SUN5: variants seen among roughly 807,000 people sequenced by gnomAD.
SUN5 encodes SUN domain-containing protein 5.
In SUN5, 44 loss-of-function variants were observed where a neutral mutation model predicts 53.7. That is an observed-to-expected ratio of 0.82 (90% CI 0.64 to 1.05). SUN5 has a LOEUF of 1.05. Ranked by LOEUF, SUN5 falls within the 50% of genes least tolerant of loss-of-function variation. The pLI is 0.00. For synonymous variants in SUN5, 166 were observed against 179.8 expected, an observed-to-expected ratio of 0.92 and a Z score of 0.62; for missense variants, 433 against 483.8, an observed-to-expected ratio of 0.90 and a Z score of 0.98.
chr20:32,990,540 G>T (rs1421874493), intron 8 of SUN5, among the ~76,000 whole-genome samples: 1 of 152,158 alleles, frequency 6.6e-6, no homozygotes, highest in Non-Finnish European at 1.5e-5. Context: ...GTGACATCTA[G>T]GGCTAAGTCC....
chr20:32,984,993 C>T, intron 12 of SUN5, 106 bp downstream of exon 12: 3 of 1,212,432 alleles, frequency 2.5e-6, no homozygotes, highest in Non-Finnish European at 3.6e-6. Flanking sequence ...TTAGTCATGA[C>T]TGGGCACCTC....
Position 32,995,634 on chromosome 20 carries a change from T to C in SUN5, c.519A>G (p.Glu173=), listed in dbSNP as rs1340498411. 8 of 1,614,018 alleles carry C rather than the reference T, an allele frequency of 5.0e-6. No individual in the cohort carries two copies. The highest frequency in any genetic ancestry group is 6.8e-6 in the Non-Finnish European group (8 of 1,179,982). The change falls in exon 8 of 13, where the codon GAA becomes GAG. Residue 173 remains glutamate, a synonymous_variant. Transcript: ENST00000356173. ...NQLIAKLQEM[E]AMSDEQKMAQ... is the part of the protein sequence containing the mutation. Reference sequence around the variant, plus strand: ...AGCGTCTCACCTCATCGGACATGGCTTCCATCTCCTGGAGCTTGGCAATGA... The same window carrying C: ...AGCGTCTCACCTCATCGGACATGGCCTCCATCTCCTGGAGCTTGGCAATGA...
chr20:32,990,192 A>C (rs1989675592), intron 8 of SUN5, among the ~76,000 whole-genome samples: 2 of 152,222 alleles, frequency 1.3e-5, no homozygotes, highest in Admixed American at 1.3e-4. Flanking sequence ...CTTGTATTAA[A>C]GATGAGAATA....
In SUN5 at chr20:33,001,433, T is replaced by G. The variant is rs192156394; in HGVS notation, c.212-155A>C. On this transcript the variant is annotated intron_variant, in intron 3 of 12. Coordinates refer to ENST00000356173, the MANE Select transcript of SUN5 (RefSeq NM_080675.4). ...CTGGGACAGAACCAGGCTCTGCTTATGGGTACGCACTAGCCTGGAGTGAGT... is the reference window on the plus strand; with the variant it reads ...CTGGGACAGAACCAGGCTCTGCTTAGGGGTACGCACTAGCCTGGAGTGAGT... Among the ~76,000 whole-genome samples, 37 of 152,254 alleles carry G rather than the reference T, an allele frequency of 2.4e-4. No homozygotes were observed. In the East Asian group the frequency reaches 6.6e-3, roughly 27 times the overall value.
rs1220021371 is a variant in SUN5 at position 32,985,121 on chromosome 20, A to G, written c.962T>C (p.Ile321Thr). 6.2e-7 allele frequency: 1 copy of G among 1,613,960 alleles called. No homozygotes were observed. The highest frequency in any genetic ancestry group is 8.5e-7 in the Non-Finnish European group (1 of 1,179,984). The stretch of plus-strand genomic sequence containing the variant: ...TACCTGGAGTGGGAACATCTGGATG[A>G]TGTTTTCTGGCTGAAACTGAAATGC... ...LGAFQFQPEN[I>T]IQMFPLQNQP... The change falls in exon 12 of 13, where the codon ATC becomes ACC. Residue 321 changes from isoleucine to threonine, a missense_variant. Ile to Thr is a moderately conservative substitution (Grantham distance 89). Transcript: ENST00000356173.
At chr20:33,001,567 C>CTTTCTTTCT (rs1362823574) in intron 3 of SUN5, among the ~76,000 whole-genome samples, 1 of 31,174 alleles carries the variant, frequency 3.2e-5, no homozygotes, top group African/African-American at 2.1e-4. Flanking sequence ...TCTTTCTTTT[C>CTTTCTTTCT]TTCCTTCCTT....
chr20:32,995,546 A>C, intron 8 of SUN5, 73 bp downstream of exon 8: 12 of 1,307,948 alleles, frequency 9.2e-6, no homozygotes, highest in Non-Finnish European at 1.2e-5. Flanking sequence ...AAGAAAGAAC[A>C]CTTGAGGTAT....
intron 3 of SUN5, 28 bp downstream of exon 3, chr20:33,002,559 C>T (rs767724123): frequency 1.8e-5 from 29 of 1,612,152 alleles, no homozygotes; most frequent in Non-Finnish European, 2.2e-5. Flanking sequence ...ATATTGATGA[C>T]GAAGGTGATT....
At chr20:32,997,805 C>A in intron 5 of SUN5, 118 bp from the exon 6 acceptor site, 1 of 1,003,728 alleles carries the variant, frequency 1.0e-6, no homozygotes. Context: ...CATTGTGCAA[C>A]ACTGGGGGAA....
chr20:33,004,210 C>A (rs1355588715), intron 1 of SUN5, 54 bp downstream of exon 1: 1 of 1,496,860 alleles, frequency 6.7e-7, no homozygotes, highest in South Asian at 1.3e-5. Flanking sequence ...GGTGGAGGGG[C>A]AGCATTTTGT....
At chr20:32,997,759 C>T (rs1318426085) in intron 5 of SUN5, 72 bp from the exon 6 acceptor site, 1 of 1,558,770 alleles carries the variant, frequency 6.4e-7, no homozygotes, top group Non-Finnish European at 8.8e-7. Context: ...GGAGTTAGGA[C>T]ATCTGGGTTC....
intron 10 of SUN5, 25 bp from the exon 11 acceptor site, chr20:32,985,928 G>T (rs748372584): frequency 1.9e-6 from 3 of 1,606,446 alleles, no homozygotes; most frequent in Non-Finnish European, 2.6e-6. Context: ...TACAATAAGG[G>T]ATATGCTGGG....
intron 9 of SUN5, among the ~76,000 whole-genome samples, chr20:32,988,337 G>T (rs968916416): frequency 6.6e-6 from 1 of 152,198 alleles, no homozygotes; most frequent in African/African-American, 2.4e-5. Flanking sequence ...GGGGGTGCCC[G>T]AGTTGGAGGT....
intron 7 of SUN5, 78 bp from the exon 8 acceptor site, chr20:32,995,805 G>A: frequency 1.5e-6 from 2 of 1,348,174 alleles, no homozygotes; most frequent in Middle Eastern, 2.0e-4. Flanking sequence ...CCCTTTGCTA[G>A]TTGGCTCTCA....
At chr20:33,000,220 G>T in intron 4 of SUN5, 85 bp from the exon 5 acceptor site, 1 of 1,466,374 alleles carries the variant, frequency 6.8e-7, no homozygotes, top group Non-Finnish European at 9.1e-7. Flanking sequence ...CTCTTTCTCC[G>T]TAGGCATGCT....
intron 8 of SUN5, among the ~76,000 whole-genome samples, chr20:32,994,081 A>G (rs773894599): frequency 2.0e-5 from 3 of 152,224 alleles, no homozygotes; most frequent in Non-Finnish European, 4.4e-5. Flanking sequence ...GTGAGGCCTC[A>G]AACATACAGT....
chr20:32,999,795 GGGGGT>G (rs1989952879), intron 5 of SUN5: 1 of 922,506 alleles, frequency 1.1e-6, no homozygotes, highest in Admixed American at 2.4e-5. Context: ...TGTGCGAGGT[GGGGGT>G]GGTGGCTGGA....
intron 12 of SUN5, 69 bp from the exon 13 acceptor site, chr20:32,984,018 G>A (rs1989466983): frequency 2.8e-6 from 4 of 1,433,528 alleles, no homozygotes; most frequent in Non-Finnish European, 2.8e-6. Flanking sequence ...AAGGTGGGGA[G>A]TGGAAGGGAA....
At chr20:32,988,196 GTAACAGTCTTGTGATGA>G (rs1989600781) in intron 9 of SUN5, among the ~76,000 whole-genome samples, 1 of 152,106 alleles carries the variant, frequency 6.6e-6, no homozygotes, top group African/African-American at 2.4e-5. Flanking sequence ...CGCTCCCCAC[GTAACAGTCTTGTGATGA>G]CGACCGACAC....
Sources: allele counts gnomAD v4.1 joint callset (sites outside exome capture counted in the v4.1 genomes callset), GRCh38; gene constraint gnomAD v4.1.1; transcripts MANE v1.5; gene names NCBI Gene and HGNC (gene_info 2026-07-23, HGNC 2026-07-21).